The following KIAA1217 variants were observed in gnomAD, a reference collection of about 807,000 sequenced individuals.
KIAA1217 encodes the protein KIAA1217.
In KIAA1217, 88 loss-of-function variants were observed where a neutral mutation model predicts 163.9. That is an observed-to-expected ratio of 0.54 (90% confidence interval 0.45 to 0.64). KIAA1217 has a LOEUF of 0.64. KIAA1217 is among the 30% of genes least tolerant of loss of function. KIAA1217 has a pLI of 0.00. For missense variants in KIAA1217, 2,372 were observed against 2,475.0 expected (o/e 0.96, Z 0.88); for synonymous variants, 903 against 923.1 (o/e 0.98, Z 0.39).
At chr10:24,242,706 G>A (rs2073251287) in intron 2 of KIAA1217, among the ~76,000 whole-genome samples, 1 of 152,112 alleles carries the variant, frequency 6.6e-6, no homozygotes, top group Non-Finnish European at 1.5e-5. Flanking sequence ...ACTCCCACCA[G>A]CAATGTATAA....
chr10:23,927,583 C>A (rs938289132), intron 1 of KIAA1217, among the ~76,000 whole-genome samples: 2 of 152,062 alleles, frequency 1.3e-5, no homozygotes, highest in African/African-American at 4.8e-5. Flanking sequence ...TATGTGAGCT[C>A]ATGAAAGTAG....
chr10:24,466,017 A>G (rs944323924), intron 5 of KIAA1217, among the ~76,000 whole-genome samples: 16 of 152,186 alleles, frequency 1.1e-4, no homozygotes, highest in Non-Finnish European at 1.5e-5. Flanking sequence ...CCCAAAGTTC[A>G]GCGTGGTAAA....
At chr10:24,323,012 A>G (rs1207261468) in intron 2 of KIAA1217, among the ~76,000 whole-genome samples, 1 of 152,094 alleles carries the variant, frequency 6.6e-6, no homozygotes, top group Non-Finnish European at 1.5e-5. Flanking sequence ...GTGCAGTGCC[A>G]CACTCGTAGC....
chr10:23,849,221 T>G (rs1839187001), intron 1 of KIAA1217, among the ~76,000 whole-genome samples: 1 of 152,122 alleles, frequency 6.6e-6, no homozygotes, highest in East Asian at 1.9e-4. Flanking sequence ...TTAAAATATA[T>G]AAATCTCCAA....
chr10:24,032,553 CTGTT>C (rs1032653535), intron 2 of KIAA1217, among the ~76,000 whole-genome samples: 3 of 152,190 alleles, frequency 2.0e-5, no homozygotes, highest in East Asian at 1.9e-4. Flanking sequence ...TGAGTTTTGT[CTGTT>C]TGTTTTCCTC....
intron 2 of KIAA1217, among the ~76,000 whole-genome samples, chr10:24,293,484 A>G (rs571591054): frequency 3.3e-5 from 5 of 152,308 alleles, no homozygotes; most frequent in Non-Finnish European, 7.3e-5. Context: ...GGCATTTAGC[A>G]TCTTTACACA....
chr10:23,768,464 G>A (rs1834642002), intron 1 of KIAA1217, among the ~76,000 whole-genome samples: 1 of 152,180 alleles, frequency 6.6e-6, no homozygotes, highest in South Asian at 2.1e-4. Flanking sequence ...CACATTGCCA[G>A]GTACATATTA....
chr10:23,801,548 G>T (rs1273161751), intron 1 of KIAA1217, among the ~76,000 whole-genome samples: 1 of 152,162 alleles, frequency 6.6e-6, no homozygotes, highest in African/African-American at 2.4e-5. Context: ...CCATCCAAGG[G>T]TTTAATTGAG....
chr10:23,732,382 C>A (rs1044795510), intron 1 of KIAA1217, among the ~76,000 whole-genome samples: 2 of 151,952 alleles, frequency 1.3e-5, no homozygotes, highest in African/African-American at 4.8e-5. Flanking sequence ...AAAATTAATA[C>A]AACAATAAAA....
chr10:24,482,295 G>T (rs2064816233), intron 6 of KIAA1217: 1 of 152,198 alleles, frequency 6.6e-6, no homozygotes, highest in Non-Finnish European at 1.5e-5. Flanking sequence ...TATTCATGAG[G>T]TGCTCTCAAT....
intron 2 of KIAA1217, among the ~76,000 whole-genome samples, chr10:24,120,043 C>G (rs1589571518): frequency 6.6e-6 from 1 of 152,336 alleles, no homozygotes. Flanking sequence ...GCCTCGACCT[C>G]CAAGAAACAT....
chr10:23,838,334 C>T (rs377451232), intron 1 of KIAA1217, among the ~76,000 whole-genome samples: 2 of 152,090 alleles, frequency 1.3e-5, no homozygotes, highest in Non-Finnish European at 2.9e-5. Flanking sequence ...ATACAGTATA[C>T]ATTTTGTTGT....
intron 1 of KIAA1217, among the ~76,000 whole-genome samples, chr10:23,858,880 C>G (rs1384104056): frequency 6.6e-6 from 1 of 152,194 alleles, no homozygotes; most frequent in Non-Finnish European, 1.5e-5. Context: ...CTCTTCCAGT[C>G]TACTGTACAA....
intron 1 of KIAA1217, among the ~76,000 whole-genome samples, chr10:23,903,535 AG>A (rs1046435519): frequency 1.8e-4 from 28 of 152,144 alleles, no homozygotes; most frequent in Non-Finnish European, 7.4e-5. Flanking sequence ...TTGGACAAAA[AG>A]GGGTAAGATC....
At chr10:23,728,673 C>A (rs143301983) in intron 1 of KIAA1217, among the ~76,000 whole-genome samples, 1 of 152,126 alleles carries the variant, frequency 6.6e-6, no homozygotes, top group African/African-American at 2.4e-5. Flanking sequence ...AATTAGATCC[C>A]ATTTCTCAAT....
At chr10:24,348,329 C>G (rs1279352002) in intron 2 of KIAA1217, among the ~76,000 whole-genome samples, 1 of 86,368 alleles carries the variant, frequency 1.2e-5, no homozygotes, top group Admixed American at 9.8e-5. Flanking sequence ...CAGAGTGAGA[C>G]CCTGTCACAA....
chr10:24,545,504 C>T lies in KIAA1217; in HGVS notation c.5335-323C>T, dbSNP rs2075633976. 16 of 1,285,242 alleles carry T rather than the reference C, an allele frequency of 1.2e-5. 1 individual carries two copies. Among genetic ancestry groups the T allele is most frequent in the Non-Finnish European group, 1.6e-5 (16 of 1,017,112 alleles). 79.6% of individuals were successfully genotyped at this position (1,285,242 alleles called of 1,614,324 possible). On this transcript the variant is annotated intron_variant, in intron 20 of 20. Transcript: ENST00000376454. ...TTGTGTTAGAAGCACATTAACACTC[C>T]GTCACAATGCCCGACCCCCACCCCA... is the stretch of plus-strand genomic sequence containing the variant.
chr10:23,911,500 G>T (rs1473274750), intron 1 of KIAA1217, among the ~76,000 whole-genome samples: 1 of 152,158 alleles, frequency 6.6e-6, no homozygotes, highest in Non-Finnish European at 1.5e-5. Flanking sequence ...TGTTTTTTAT[G>T]TATGTGTGTG....
At chr10:23,911,927 G>A (rs998450187) in intron 1 of KIAA1217, among the ~76,000 whole-genome samples, 1 of 152,094 alleles carries the variant, frequency 6.6e-6, no homozygotes, top group Non-Finnish European at 1.5e-5. Flanking sequence ...TGAACAATAG[G>A]CAGGATGAGT....
Sources: allele counts gnomAD v4.1 joint callset (sites outside exome capture counted in the v4.1 genomes callset), GRCh38; gene constraint gnomAD v4.1.1; transcripts MANE v1.5; gene names NCBI Gene and HGNC (gene_info 2026-07-23, HGNC 2026-07-21).